IFIT3: variants seen among roughly 807,000 people sequenced by gnomAD.
The protein encoded by IFIT3 is interferon induced protein with tetratricopeptide repeats 3, also known as interferon-induced protein with tetratricopeptide repeats 3.
Under a neutral mutation model 2.4 loss-of-function variants are expected in IFIT3, and 2 were observed. That is an observed-to-expected ratio of 0.82 (90% CI 0.34 to 2.60). The LOEUF is 2.60. Ranked by LOEUF, IFIT3 falls within the 30% of genes most tolerant of loss-of-function variation. IFIT3 has a pLI of 0.11. For synonymous variants in IFIT3, 203 were observed against 212.1 expected (o/e 0.96, Z 0.37); for missense variants, 481 against 562.4 (o/e 0.86, Z 1.46).
At chr10:89,335,887 A>C (rs1261876332) in intron 1 of IFIT3, among the ~76,000 whole-genome samples, 1 of 152,186 alleles carries the variant, frequency 6.6e-6, no homozygotes, top group Admixed American at 6.5e-5. Flanking sequence ...GTTATAACTT[A>C]CTTTTGGTAT....
chr10:89,331,344 T>C (rs898407576), intron 1 of IFIT3, among the ~76,000 whole-genome samples: 2 of 152,098 alleles, frequency 1.3e-5, no homozygotes, highest in Admixed American at 1.3e-4. Context: ...GTTAATTTTT[T>C]TGTATTTTAG....
intron 1 of IFIT3, among the ~76,000 whole-genome samples, chr10:89,336,824 C>T (rs1382752366): frequency 6.6e-6 from 1 of 152,194 alleles, no homozygotes; most frequent in Non-Finnish European, 1.5e-5. Context: ...TCTGGAGGTT[C>T]TTTCCAATCT....
chr10:89,334,646 C>A (rs894108601), intron 1 of IFIT3, among the ~76,000 whole-genome samples: 3 of 151,688 alleles, frequency 2.0e-5, no homozygotes, highest in Non-Finnish European at 4.4e-5. Context: ...GCGCCTGCCA[C>A]CACGCCCGGC....
At chr10:89,332,892 C>T (rs1843671831) in intron 1 of IFIT3, among the ~76,000 whole-genome samples, 1 of 152,176 alleles carries the variant, frequency 6.6e-6, no homozygotes, top group African/African-American at 2.4e-5. Flanking sequence ...TGCTCAGATG[C>T]TTTCAGGTAA....
chr10:89,339,785 C>T lies in IFIT3; in HGVS notation c.1130C>T (p.Thr377Ile). Residue 377 changes from threonine to isoleucine, a missense_variant, in exon 2 of 2, where the codon ACT (threonine) becomes ATT (isoleucine). Transcript: ENST00000371818. ...LQKYNGKSED[T>I]AVQHGLEGLS... ...AAATATAATGGGAAGTCTGAAGACA[C>T]TGCTGTGCAACATGGTTTAGAGGGT... The T allele has an allele frequency of 1.9e-6, 3 of 1,614,166 alleles. No individual in the cohort carries two copies. The highest frequency in any genetic ancestry group is 2.5e-6 in the Non-Finnish European group (3 of 1,180,024).
chr10:89,339,213 C>G lies in IFIT3; in HGVS notation c.558C>G (p.His186Gln). Residue 186 changes from histidine to glutamine, a missense_variant, in exon 2 of 2, where the codon CAC (histidine) becomes CAG (glutamine). Physicochemically the swap from His to Gln is conservative, Grantham distance 24. Transcript: ENST00000371818. ...LAIAMYHLDNHPEKQFSTDVL... is the reference protein window; with the variant it reads ...LAIAMYHLDNQPEKQFSTDVL... ...TTGCGATGTACCATCTGGATAATCA[C>G]CCAGAGAAACAGTTCTCTACTGATG... is the stretch of plus-strand genomic sequence containing the variant. The G allele has an allele frequency of 1.2e-6, 2 of 1,613,992 alleles. No individual in the cohort carries two copies. Among genetic ancestry groups the G allele is most frequent in the Non-Finnish European group, 1.7e-6 (2 of 1,179,872 alleles).
chr10:89,328,305 G>A (rs1159001384), intron 1 of IFIT3, among the ~76,000 whole-genome samples: 6 of 152,114 alleles, frequency 3.9e-5, no homozygotes, highest in Non-Finnish European at 7.4e-5. Context: ...GGAACTACAT[G>A]GGGGGAGGCA....
At chr10:89,337,317 T>C (rs1843757594) in intron 1 of IFIT3, among the ~76,000 whole-genome samples, 1 of 152,204 alleles carries the variant, frequency 6.6e-6, no homozygotes, top group Admixed American at 6.5e-5. Flanking sequence ...GGTACCCCAA[T>C]AAAGAGTCAT....
At chr10:89,335,639 A>T (rs1843725936) in intron 1 of IFIT3, 1 of 151,870 alleles carries the variant, frequency 6.6e-6, no homozygotes, top group African/African-American at 2.4e-5. Flanking sequence ...TACATCCAAC[A>T]TCACCTGTCA....
Position 89,338,709 on chromosome 10 carries a change from C to T in IFIT3, c.54C>T (p.Cys18=), listed in dbSNP as rs1235194720. Residue 18 remains cysteine (C), a synonymous_variant, in exon 2 of 2, where the codon TGC becomes TGT. Transcript: ENST00000371818. The part of the protein sequence containing the change: ...SLEKILPQLK[C]HFTWNLFKED... ...AGAAAATCCTTCCACAGCTGAAATG[C>T]CATTTCACCTGGAACTTATTCAAGG... The T allele has an allele frequency of 4.3e-6, 7 of 1,612,938 alleles. No individual in the cohort carries two copies. The highest frequency in any genetic ancestry group is 5.9e-6 in the Non-Finnish European group (7 of 1,179,176).
chr10:89,337,426 G>C (rs1268859454), intron 1 of IFIT3, among the ~76,000 whole-genome samples: 1 of 151,976 alleles, frequency 6.6e-6, no homozygotes, highest in Non-Finnish European at 1.5e-5. Context: ...TTGAGGCAGG[G>C]TCCCACTCTA....
intron 1 of IFIT3, among the ~76,000 whole-genome samples, chr10:89,330,170 G>A (rs139472051): frequency 1.3e-5 from 2 of 152,316 alleles, no homozygotes; most frequent in Admixed American, 6.5e-5. Flanking sequence ...TGGGCTCAGA[G>A]GCCTGACAAG....
At chr10:89,332,758 A>G in intron 1 of IFIT3, 1 of 957,684 alleles carries the variant, frequency 1.0e-6, no homozygotes, top group Middle Eastern at 2.2e-4. Context: ...TGCCTTACCA[A>G]TTCATGCATT....
At chr10:89,330,084 T>C (rs896678190) in intron 1 of IFIT3, among the ~76,000 whole-genome samples, 2 of 152,074 alleles carry the variant, frequency 1.3e-5, no homozygotes, top group African/African-American at 4.8e-5. Flanking sequence ...TCTTTTGTGG[T>C]GGAATGTCAT....
At position 89,339,839 on chromosome 10, in the gene IFIT3, A is replaced by T. The variant is rs766155390; in HGVS notation, c.1184A>T (p.Lys395Met). 1 of 1,614,206 alleles carries T rather than the reference A, an allele frequency of 6.2e-7. No homozygotes were observed. Among genetic ancestry groups the T allele is most frequent in the African/African-American group, 1.3e-5 (1 of 75,064 alleles). ...TCCATAAGCAAAAAATCAACTGACA[A>T]GGAAGAGATCAAAGACCAACCACAG... ...GLSISKKSTD[K>M]EEIKDQPQNV... is the part of the protein sequence containing the mutation. Residue 395 changes from lysine (K) to methionine (M), a missense_variant, in exon 2 of 2, where the codon AAG becomes ATG. Lys to Met is a moderately conservative substitution (Grantham distance 95). Coordinates refer to ENST00000371818, the MANE Select transcript of IFIT3 (RefSeq NM_001549.6).
intron 1 of IFIT3, 137 bp downstream of exon 1, chr10:89,328,215 T>C: frequency 1.1e-6 from 1 of 933,584 alleles, no homozygotes; most frequent in East Asian, 2.7e-5. Flanking sequence ...TGAGCATTTG[T>C]AAGATGTTTG....
chr10:89,339,733 T>A lies in IFIT3; in HGVS notation c.1078T>A (p.Ser360Thr). The A allele has an allele frequency of 6.2e-7, 1 of 1,614,096 alleles. No individual in the cohort carries two copies. Among genetic ancestry groups the A allele is most frequent in the Non-Finnish European group, 8.5e-7 (1 of 1,179,998 alleles). Reference sequence around the variant, plus strand: ...AGTCCCTGATGCTGAAAAGCAACAATCCCATCAGCGCTACTGCAACCTTCA... The same window carrying A: ...AGTCCCTGATGCTGAAAAGCAACAAACCCATCAGCGCTACTGCAACCTTCA... ...KEVPDAEKQQ[S>T]HQRYCNLQKY... The change falls in exon 2 of 2, where the codon TCC (serine) becomes ACC (threonine). Residue 360 changes from serine (S) to threonine (T), a missense_variant. Physicochemically the swap from Ser to Thr is moderately conservative, Grantham distance 58. Coordinates refer to ENST00000371818, the MANE Select transcript of IFIT3 (RefSeq NM_001549.6).
At chr10:89,338,363 A>C in intron 1 of IFIT3, 1 of 292,574 alleles carries the variant, frequency 3.4e-6, no homozygotes, top group Non-Finnish European at 6.5e-6. Flanking sequence ...CCAATGTCCT[A>C]GCTCAAGCAG....
chr10:89,330,743 C>T (rs1020130715), intron 1 of IFIT3, among the ~76,000 whole-genome samples: 1 of 92,592 alleles, frequency 1.1e-5, no homozygotes, highest in Non-Finnish European at 1.9e-5. Context: ...GGTTTTCTTC[C>T]CTTCACTCAA....
Sources: gnomAD v4.1 joint callset for allele counts (sites outside exome capture counted in the v4.1 genomes callset) on GRCh38, gnomAD v4.1.1 for gene constraint, MANE v1.5 for transcripts, NCBI Gene and HGNC (gene_info 2026-07-23, HGNC 2026-07-21) for gene names.